RB1CC1: variants seen among roughly 807,000 people sequenced by gnomAD.
The protein encoded by RB1CC1 is RB1-inducible coiled-coil protein 1.
RB1CC1 carries 46 observed loss-of-function variants against 177.5 expected under a neutral mutation model. The observed-to-expected ratio is 0.26, with a 90% CI of 0.20 to 0.33. The LOEUF (loss-of-function observed/expected upper bound fraction) is 0.33, where lower values mean the gene tolerates loss of function less well. RB1CC1 is among the 10% of genes least tolerant of loss of function. The probability of loss-of-function intolerance (pLI) is 1.00; values close to 1 mark genes in which losing one functional copy is unlikely to be tolerated. For synonymous variants in RB1CC1, 666 were observed against 613.6 expected (o/e 1.09, Z -1.26); for missense variants, 1,703 against 1,816.3 (o/e 0.94, Z 1.13).
chr8:52,638,590 TCTG>T (rs1849329188), intron 18 of RB1CC1, among the ~76,000 whole-genome samples: 1 of 152,102 alleles, frequency 6.6e-6, no homozygotes, highest in Non-Finnish European at 1.5e-5. Context: ...CCACCAGACT[TCTG>T]CTGTTTGTTT....
At chr8:52,661,823 G>T in intron 8 of RB1CC1, 104 bp from the exon 9 acceptor site, 1 of 792,830 alleles carries the variant, frequency 1.3e-6, no homozygotes, top group Non-Finnish European at 1.8e-6. Context: ...CCCGTTTTGT[G>T]CCTTCTAACA....
intron 20 of RB1CC1, 82 bp from the exon 21 acceptor site, chr8:52,630,610 A>C: frequency 7.1e-7 from 1 of 1,402,388 alleles, no homozygotes; most frequent in South Asian, 1.5e-5. Context: ...ACCCACTGTT[A>C]TACACATTCA....
intron 15 of RB1CC1, among the ~76,000 whole-genome samples, chr8:52,655,095 T>C (rs1029858639): frequency 3.9e-5 from 6 of 152,280 alleles, no homozygotes; most frequent in African/African-American, 1.4e-4. Context: ...CATCCAGCTT[T>C]TAAACATACA....
intron 7 of RB1CC1, among the ~76,000 whole-genome samples, chr8:52,671,153 T>C (rs907219202): frequency 2.0e-5 from 3 of 152,164 alleles, no homozygotes; most frequent in South Asian, 2.1e-4. Context: ...GGATGACAGA[T>C]AGTAAATGAA....
chr8:52,707,430 T>A (rs1173953527), intron 1 of RB1CC1, among the ~76,000 whole-genome samples: 2 of 121,524 alleles, frequency 1.6e-5, no homozygotes, highest in African/African-American at 5.5e-5. Flanking sequence ...TTTTCTTTCT[T>A]TCTTTTTTTT....
intron 18 of RB1CC1, among the ~76,000 whole-genome samples, chr8:52,637,685 A>ATT (rs1563357079): frequency 1.4e-5 from 2 of 144,440 alleles, no homozygotes; most frequent in East Asian, 2.0e-4. Context: ...ATTTATTTAT[A>ATT]TATTTATTTT....
At chr8:52,673,203 T>C (rs764773358) in intron 7 of RB1CC1, among the ~76,000 whole-genome samples, 7 of 152,236 alleles carry the variant, frequency 4.6e-5, no homozygotes, top group Non-Finnish European at 7.3e-5. Flanking sequence ...CACAACATTA[T>C]TTAACATTTC....
intron 21 of RB1CC1, among the ~76,000 whole-genome samples, chr8:52,630,205 G>A (rs546117719): frequency 6.6e-6 from 1 of 152,280 alleles, no homozygotes; most frequent in South Asian, 2.1e-4. Context: ...GGTAGCACAT[G>A]CTGAAAAGTT....
rs1288635098 is a variant in RB1CC1, at chr8:52,668,087, G to T, written c.1107C>A (p.Leu369=). ...TAGCAATCATCTGGTCCAGGGCGTAGAGCCGATCTTCAAGTCCTTTAATGG... is the reference window on the plus strand; with the variant it reads ...TAGCAATCATCTGGTCCAGGGCGTATAGCCGATCTTCAAGTCCTTTAATGG... The part of the protein sequence containing the change: ...MKAIKGLEDR[L]YALDQMIASC... The change falls in exon 8 of 24, where the codon CTC becomes CTA. Residue 369 remains leucine (L), a synonymous_variant. Coordinates refer to ENST00000025008, the MANE Select transcript of RB1CC1 (RefSeq NM_014781.5). 6.2e-7 allele frequency: 1 copy of T among 1,614,154 alleles called. No individual in the cohort carries two copies. The highest frequency in any genetic ancestry group is 1.1e-5 in the South Asian group (1 of 91,078).
At chr8:52,642,891 T>G in intron 16 of RB1CC1, 79 bp from the exon 17 acceptor site, 3 of 1,352,080 alleles carry the variant, frequency 2.2e-6, no homozygotes, top group Non-Finnish European at 2.9e-6. Context: ...TTGCAAATAT[T>G]CTTTTCTGTG....
intron 18 of RB1CC1, among the ~76,000 whole-genome samples, chr8:52,641,102 G>A (rs756056613): frequency 6.6e-6 from 1 of 152,018 alleles, no homozygotes; most frequent in African/African-American, 2.4e-5. Context: ...TTTAATGCCT[G>A]GCCGGGCGCG....
intron 5 of RB1CC1, among the ~76,000 whole-genome samples, 154 bp downstream of exon 5, chr8:52,683,395 C>T (rs1214905867): frequency 6.6e-6 from 1 of 152,008 alleles, no homozygotes; most frequent in African/African-American, 2.4e-5. Flanking sequence ...ATGTATGACC[C>T]AGAAATTTTA....
intron 15 of RB1CC1, among the ~76,000 whole-genome samples, chr8:52,649,251 T>C (rs2087865358): frequency 6.6e-6 from 1 of 152,178 alleles, no homozygotes; most frequent in Non-Finnish European, 1.5e-5. Context: ...CATACCTGAA[T>C]ACTTTAAAGA....
chr8:52,693,708 C>G (rs531504925), intron 1 of RB1CC1, among the ~76,000 whole-genome samples: 1 of 152,228 alleles, frequency 6.6e-6, no homozygotes, highest in Admixed American at 6.5e-5. Context: ...ACCCAGCAAT[C>G]CTGTTACTGA....
At chr8:52,669,121 A>G (rs971086764) in intron 7 of RB1CC1, among the ~76,000 whole-genome samples, 5 of 152,204 alleles carry the variant, frequency 3.3e-5, no homozygotes, top group African/African-American at 1.2e-4. Context: ...ACTAACATCT[A>G]CATTTGGGTA....
intron 5 of RB1CC1, among the ~76,000 whole-genome samples, chr8:52,678,113 A>C (rs1280642811): frequency 6.6e-6 from 1 of 152,210 alleles, no homozygotes; most frequent in Non-Finnish European, 1.5e-5. Context: ...GCAACAATGA[A>C]AAAGGAATAA....
chr8:52,635,955 T>C, intron 19 of RB1CC1, 60 bp downstream of exon 19: 1 of 1,574,774 alleles, frequency 6.4e-7, no homozygotes. Context: ...AGAATGAAGT[T>C]TAACTGTATC....
At chr8:52,683,855 A>G in intron 4 of RB1CC1, 32 bp downstream of exon 4, 1 of 1,605,512 alleles carries the variant, frequency 6.2e-7, no homozygotes, top group East Asian at 2.2e-5. Context: ...AAGATGTTGC[A>G]TTCTTGTGTG....
rs145374943 is a variant in RB1CC1 at position 52,641,677 on chromosome 8, C to A, written c.4337+674G>T. Among the ~76,000 whole-genome samples the A allele has an allele frequency of 4.4e-3, 668 of 152,148 alleles. 4 individuals are homozygous for A. Among genetic ancestry groups the A allele is most frequent in the Non-Finnish European group, 6.1e-3 (414 of 68,004 alleles). On this transcript the variant is annotated intron_variant, in intron 18 of 23. Transcript: ENST00000025008. ...GTTCACTGACCCACTGGGCATAATT[C>A]TTTGTGTGGCATAATGATCTGGACT... is the stretch of plus-strand genomic sequence containing the variant.
Sources: allele counts gnomAD v4.1 joint callset (sites outside exome capture counted in the v4.1 genomes callset), GRCh38; gene constraint gnomAD v4.1.1; transcripts MANE v1.5; gene names NCBI Gene and HGNC (gene_info 2026-07-23, HGNC 2026-07-21).